The following EPB41L5 variants were observed in gnomAD, a reference collection of about 807,000 sequenced individuals.
The protein encoded by EPB41L5 is erythrocyte membrane protein band 4.1 like 5.
A neutral mutation model predicts 106.6 loss-of-function variants in EPB41L5; 55 were observed. The ratio of observed to expected loss-of-function variants is 0.52; its 90% CI spans 0.42 to 0.65. The LOEUF (loss-of-function observed/expected upper bound fraction) is 0.65, where lower values mean the gene tolerates loss of function less well. EPB41L5 is among the 30% of genes least tolerant of loss of function. The pLI is 0.00. For missense variants in EPB41L5, 871 were observed against 882.1 expected (o/e 0.99, Z 0.16); for synonymous variants, 297 against 306.7 (o/e 0.97, Z 0.33).
At chr2:120,159,070 C>G (rs1687021329) in intron 20 of EPB41L5, among the ~76,000 whole-genome samples, 1 of 152,060 alleles carries the variant, frequency 6.6e-6, no homozygotes, top group South Asian at 2.1e-4. Flanking sequence ...AACTACAAAA[C>G]ACTGCTTAAA....
chr2:120,123,063 C>CA (rs1685299168), intron 16 of EPB41L5, among the ~76,000 whole-genome samples: 1 of 152,120 alleles, frequency 6.6e-6, no homozygotes, highest in African/African-American at 2.4e-5. Context: ...ATTTTGGGCT[C>CA]AGCAGTCCTT....
chr2:120,159,484 C>G (rs1361919417), intron 20 of EPB41L5, among the ~76,000 whole-genome samples: 1 of 148,656 alleles, frequency 6.7e-6, no homozygotes, highest in Non-Finnish European at 1.5e-5. Context: ...TTGCCCAAAG[C>G]AATTTATAGA....
intron 16 of EPB41L5, among the ~76,000 whole-genome samples, chr2:120,109,510 T>A (rs1452871557): frequency 3.3e-5 from 5 of 152,186 alleles, no homozygotes; most frequent in Admixed American, 2.0e-4. Flanking sequence ...TGGGAATTTG[T>A]TCCTTGCTTT....
At chr2:120,163,759 G>A (rs909233226) in intron 21 of EPB41L5, among the ~76,000 whole-genome samples, 8 of 151,360 alleles carry the variant, frequency 5.3e-5, no homozygotes, top group African/African-American at 1.2e-4. Context: ...GTTCAAGACC[G>A]GCCTGGGCAA....
chr2:120,151,304 A>G (rs1255937809), intron 20 of EPB41L5, among the ~76,000 whole-genome samples: 1 of 151,754 alleles, frequency 6.6e-6, no homozygotes, highest in Non-Finnish European at 1.5e-5. Context: ...CATCTCAAAA[A>G]ATAATAATAA....
At chr2:120,041,239 A>G (rs1679383668) in intron 2 of EPB41L5, among the ~76,000 whole-genome samples, 1 of 152,150 alleles carries the variant, frequency 6.6e-6, no homozygotes, top group Non-Finnish European at 1.5e-5. Flanking sequence ...GTCTGGTTTA[A>G]TAGAAGGTAC....
At chr2:120,075,307 T>G (rs745696933) in intron 5 of EPB41L5, among the ~76,000 whole-genome samples, 169 bp from the exon 6 acceptor site, 5 of 152,238 alleles carry the variant, frequency 3.3e-5, no homozygotes, top group Admixed American at 6.5e-5. Flanking sequence ...TCCTTACAAA[T>G]TATATGAATG....
chr2:120,017,220 G>T (rs529754259), intron 1 of EPB41L5, among the ~76,000 whole-genome samples: 6 of 152,190 alleles, frequency 3.9e-5, no homozygotes, highest in Non-Finnish European at 5.9e-5. Flanking sequence ...GCTAATTGTT[G>T]ATTTTTAAAT....
intron 21 of EPB41L5, among the ~76,000 whole-genome samples, chr2:120,162,991 C>A (rs567338899): frequency 1.3e-5 from 2 of 152,164 alleles, no homozygotes; most frequent in Non-Finnish European, 2.9e-5. Flanking sequence ...TGTGGTGGCT[C>A]ATGCCTATAA....
chr2:120,073,348 A>G (rs530129801), intron 4 of EPB41L5, 128 bp downstream of exon 4: 3 of 825,446 alleles, frequency 3.6e-6, no homozygotes, highest in Non-Finnish European at 5.7e-6. Context: ...TCTAGAAATT[A>G]TTTTATTCTG....
At chr2:120,064,304 T>C (rs1681294317) in intron 3 of EPB41L5, among the ~76,000 whole-genome samples, 1 of 152,200 alleles carries the variant, frequency 6.6e-6, no homozygotes, top group African/African-American at 2.4e-5. Flanking sequence ...GTTTGAAAGA[T>C]GGTTAACATT....
Position 120,146,294 on chromosome 2 carries a change from A to T in EPB41L5, c.1793+5A>T. On this transcript the variant is annotated splice_donor_5th_base_variant and intron_variant, in intron 20 of 24. Coordinates refer to ENST00000263713, the MANE Select transcript of EPB41L5 (RefSeq NM_020909.4). The stretch of plus-strand genomic sequence containing the variant: ...TCAGGATGCTGCCACAAACAGGTAC[A>T]GTTCTGGGTAGACTGAATTAAATTG... 6.3e-7 allele frequency: 1 copy of T among 1,599,008 alleles called. No individual in the cohort carries two copies. The highest frequency in any genetic ancestry group is 1.3e-5 in the African/African-American group (1 of 74,628).
At chr2:120,109,327 T>C (rs1684614185) in intron 16 of EPB41L5, among the ~76,000 whole-genome samples, 1 of 152,210 alleles carries the variant, frequency 6.6e-6, no homozygotes. Context: ...TCTCCTACAA[T>C]GCTGGGCTGA....
At chr2:120,060,520 ATATAT>A (rs1247588959) in intron 3 of EPB41L5, among the ~76,000 whole-genome samples, 1 of 151,634 alleles carries the variant, frequency 6.6e-6, no homozygotes, top group Non-Finnish European at 1.5e-5. Context: ...TCAAAAGGTT[ATATAT>A]TATATGATTC....
chr2:120,135,561 A>G (rs940775962), intron 18 of EPB41L5, among the ~76,000 whole-genome samples: 1 of 152,124 alleles, frequency 6.6e-6, no homozygotes, highest in Non-Finnish European at 1.5e-5. Flanking sequence ...AACAAATAAC[A>G]TACAAGGGAA....
intron 23 of EPB41L5, 81 bp downstream of exon 23, chr2:120,167,588 T>C (rs1370234179): frequency 6.9e-7 from 1 of 1,443,174 alleles, no homozygotes; most frequent in Non-Finnish European, 9.7e-7. Flanking sequence ...TCTTTGTTTT[T>C]CCTTAAAAAC....
In EPB41L5 at chr2:120,105,723, A is replaced by G. The variant is rs972290519; in HGVS notation, c.1337+4909A>G. ...TCTTTAAGCCCATCATCGTTTAGCA[A>G]GCTTAAAAATGGCCACTAATGTATG... On this transcript the variant is annotated intron_variant, in intron 16 of 24. Transcript: ENST00000263713. 13 of 985,304 alleles carry G rather than the reference A, an allele frequency of 1.3e-5. No homozygotes were observed. The African/African-American group carries it at 2.3e-4, about 17-fold the overall frequency. 61.0% of individuals were successfully genotyped at this position (985,304 alleles called of 1,614,324 possible).
At chr2:120,040,849 A>G (rs12476760) in intron 2 of EPB41L5, among the ~76,000 whole-genome samples, 26,909 of 152,096 alleles carry the variant, frequency 0.18, 3,097 homozygotes, top group East Asian at 0.48. Context: ...GAGATAATAA[A>G]CTTGTCAGTT....
chr2:120,093,324 A>T, intron 14 of EPB41L5, 48 bp downstream of exon 14: 2 of 1,480,040 alleles, frequency 1.4e-6, no homozygotes, highest in Non-Finnish European at 1.9e-6. Context: ...TTTGGGATTT[A>T]TGTAGTTGCT....
Sources: gnomAD v4.1 joint callset for allele counts (sites outside exome capture counted in the v4.1 genomes callset) on GRCh38, gnomAD v4.1.1 for gene constraint, MANE v1.5 for transcripts, NCBI Gene and HGNC (gene_info 2026-07-23, HGNC 2026-07-21) for gene names.